Variants in BCAS1 observed in about 807,000 individuals in gnomAD.
The protein encoded by BCAS1 is breast carcinoma-amplified sequence 1.
In BCAS1, 46 loss-of-function variants were observed where a neutral mutation model predicts 65.4. The ratio of observed to expected loss-of-function variants is 0.70; its 90% CI spans 0.55 to 0.90. BCAS1 has a LOEUF of 0.90. Among genes scored for constraint, BCAS1 ranks in the 40% least tolerant of loss-of-function variants. BCAS1 has a pLI of 0.00. For synonymous variants in BCAS1, 298 were observed against 293.5 expected (o/e 1.02, Z -0.16); for missense variants, 793 against 771.2 (o/e 1.03, Z -0.33).
At chr20:54,060,654 G>A (rs1264803879) in intron 1 of BCAS1, among the ~76,000 whole-genome samples, 2 of 152,142 alleles carry the variant, frequency 1.3e-5, no homozygotes, top group African/African-American at 4.8e-5. Context: ...TACGTGAGAT[G>A]GGATCATATG....
chr20:54,050,691 C>T (rs2092196478), intron 3 of BCAS1, among the ~76,000 whole-genome samples: 1 of 152,240 alleles, frequency 6.6e-6, no homozygotes, highest in South Asian at 2.1e-4. Flanking sequence ...GCCCACCTGC[C>T]TTCTTTGCCC....
At chr20:54,005,678 A>G (rs575884483) in intron 4 of BCAS1, among the ~76,000 whole-genome samples, 1 of 152,288 alleles carries the variant, frequency 6.6e-6, no homozygotes, top group East Asian at 1.9e-4. Flanking sequence ...AGGTGATTCC[A>G]GTGTGCACCA....
At chr20:54,060,297 G>A (rs141664203) in intron 1 of BCAS1, among the ~76,000 whole-genome samples, 1 of 152,146 alleles carries the variant, frequency 6.6e-6, no homozygotes, top group Admixed American at 6.5e-5. Context: ...AAATGCATAG[G>A]GTTCTAAGTT....
intron 11 of BCAS1, among the ~76,000 whole-genome samples, chr20:53,956,572 C>T (rs573902875): frequency 6.6e-6 from 1 of 152,176 alleles, no homozygotes; most frequent in African/African-American, 2.4e-5. Context: ...AGTATGACAA[C>T]CCCATAAGGA....
intron 4 of BCAS1, among the ~76,000 whole-genome samples, chr20:54,025,127 T>C (rs2045557650): frequency 1.3e-5 from 2 of 152,228 alleles, no homozygotes; most frequent in Non-Finnish European, 2.9e-5. Context: ...CTTCATCTTA[T>C]GAAACTCTGC....
chr20:53,995,138 G>T (rs1335756068), intron 5 of BCAS1, 82 bp from the exon 6 acceptor site: 2 of 1,262,698 alleles, frequency 1.6e-6, no homozygotes, highest in Middle Eastern at 2.0e-4. Flanking sequence ...AACTCTTTAG[G>T]GTGGTCCAGT....
intron 1 of BCAS1, among the ~76,000 whole-genome samples, chr20:54,069,244 G>A (rs893525895): frequency 6.6e-6 from 1 of 152,044 alleles, no homozygotes; most frequent in Non-Finnish European, 1.5e-5. Flanking sequence ...CCTGGACTCC[G>A]GGGGAACAAT....
At chr20:54,046,090 T>G (rs1442917817) in intron 3 of BCAS1, among the ~76,000 whole-genome samples, 1 of 152,218 alleles carries the variant, frequency 6.6e-6, no homozygotes, top group Non-Finnish European at 1.5e-5. Flanking sequence ...TTAATTGGTA[T>G]GTATGTAAGT....
chr20:54,001,807 C>T (rs1408224312), intron 4 of BCAS1, among the ~76,000 whole-genome samples: 3 of 152,106 alleles, frequency 2.0e-5, no homozygotes, highest in Non-Finnish European at 2.9e-5. Flanking sequence ...ATTGCCATTC[C>T]CCTGTCTTGA....
At position 53,966,859 on chromosome 20, in the gene BCAS1, C is replaced by T. The variant is rs141808142; in HGVS notation, c.1485+47G>A. The T allele has an allele frequency of 4.9e-4, 748 of 1,532,766 alleles. 4 individuals are homozygous for T. Among genetic ancestry groups the T allele is most frequent in the Middle Eastern group, 1.4e-3 (8 of 5,718 alleles). 94.9% of individuals were successfully genotyped at this position (1,532,766 alleles called of 1,614,324 possible). On this transcript the variant is annotated intron_variant, in intron 10 of 12. Transcript: ENST00000688948. ...GGCATGAGCCCATTGTTCCCAGAAG[C>T]CGCTCTAGGTATCTTAGGTTTCCTA...
intron 3 of BCAS1, among the ~76,000 whole-genome samples, chr20:54,042,271 C>T (rs1205956075): frequency 6.6e-6 from 1 of 150,434 alleles, no homozygotes. Context: ...GGAAGTCGAT[C>T]AGAAAAAATA....
intron 4 of BCAS1, among the ~76,000 whole-genome samples, chr20:54,005,634 C>T (rs137940042): frequency 1.6e-3 from 249 of 152,298 alleles, no homozygotes; most frequent in East Asian, 0.01. Flanking sequence ...TTTTTGGAGG[C>T]GAGGCTCAGA....
At chr20:54,031,400 G>T (rs765405526) in intron 3 of BCAS1, among the ~76,000 whole-genome samples, 1 of 151,250 alleles carries the variant, frequency 6.6e-6, no homozygotes, top group Non-Finnish European at 1.5e-5. Context: ...GAGTTCTTCG[G>T]TGATACGTTC....
At chr20:54,000,005 C>T (rs1385215578) in intron 4 of BCAS1, among the ~76,000 whole-genome samples, 1 of 152,224 alleles carries the variant, frequency 6.6e-6, no homozygotes. Flanking sequence ...GCTAGGATTA[C>T]AGGCATGAGC....
At chr20:54,018,851 C>T (rs971125329) in intron 4 of BCAS1, among the ~76,000 whole-genome samples, 9 of 152,172 alleles carry the variant, frequency 5.9e-5, no homozygotes, top group Admixed American at 3.9e-4. Flanking sequence ...TACATGGCTG[C>T]GCTGCTGGGA....
intron 3 of BCAS1, among the ~76,000 whole-genome samples, chr20:54,047,667 C>G (rs1472231253): frequency 6.6e-6 from 1 of 152,140 alleles, no homozygotes; most frequent in East Asian, 1.9e-4. Context: ...AGGAGAGTGC[C>G]TGTGAGTGTT....
chr20:54,058,205 A>C (rs2092326316), intron 2 of BCAS1, 51 bp from the exon 3 acceptor site: 2 of 1,513,510 alleles, frequency 1.3e-6, no homozygotes, highest in African/African-American at 1.4e-5. Flanking sequence ...GGAAAATCAG[A>C]AGAACTCAAG....
intron 4 of BCAS1, among the ~76,000 whole-genome samples, chr20:54,003,569 G>T (rs1417047756): frequency 6.6e-6 from 1 of 152,150 alleles, no homozygotes; most frequent in Non-Finnish European, 1.5e-5. Flanking sequence ...GGTTGGAATA[G>T]TTTGCATTAA....
chr20:53,994,425 G>A (rs779251935), intron 6 of BCAS1, among the ~76,000 whole-genome samples: 3 of 152,188 alleles, frequency 2.0e-5, no homozygotes, highest in African/African-American at 2.4e-5. Flanking sequence ...GCTCTCTAGC[G>A]TGTCCTAACG....
Sources: gnomAD v4.1 joint callset for allele counts (sites outside exome capture counted in the v4.1 genomes callset) on GRCh38, gnomAD v4.1.1 for gene constraint, MANE v1.5 for transcripts, NCBI Gene and HGNC (gene_info 2026-07-23, HGNC 2026-07-21) for gene names.